The following HPSE2 variants were observed in gnomAD, a reference collection of about 807,000 sequenced individuals.
HPSE2 encodes the protein heparanase 2 (inactive), also known as inactive heparanase-2.
In HPSE2, 38 loss-of-function variants were observed where a neutral mutation model predicts 60.5. The observed-to-expected ratio is 0.63, with a 90% confidence interval of 0.48 to 0.82. HPSE2 has a LOEUF of 0.82. Among genes scored for constraint, HPSE2 ranks in the 40% least tolerant of loss-of-function variants. The pLI, the probability that HPSE2 is intolerant of heterozygous loss-of-function variation, is 0.00. For missense variants in HPSE2, 713 were observed against 740.4 expected, an observed-to-expected ratio of 0.96 and a Z score of 0.43; for synonymous variants, 295 against 293.2, an observed-to-expected ratio of 1.01 and a Z score of -0.06.
intron 9 of HPSE2, among the ~76,000 whole-genome samples, chr10:98,511,786 C>A (rs1201032723): frequency 6.6e-6 from 1 of 152,068 alleles, no homozygotes; most frequent in Admixed American, 6.6e-5. Context: ...GAAATAACTG[C>A]AAGGTTCAAA....
chr10:98,868,255 A>G (rs1052981337), intron 3 of HPSE2, among the ~76,000 whole-genome samples: 3 of 152,032 alleles, frequency 2.0e-5, no homozygotes, highest in Non-Finnish European at 4.4e-5. Context: ...AAAGACAAAC[A>G]TCGCATATTC....
chr10:99,282,436 C>CA, the HPSE2 span, among the ~76,000 whole-genome samples: 1 of 152,056 alleles, frequency 6.6e-6, no homozygotes. Context: ...TTAAAGATTT[C>CA]AATAACTCAC....
intron 3 of HPSE2, among the ~76,000 whole-genome samples, chr10:99,002,447 A>G (rs1372242895): frequency 6.6e-6 from 1 of 152,152 alleles, no homozygotes; most frequent in African/African-American, 2.4e-5. Flanking sequence ...ATAAAGGCCA[A>G]CATGAACAGT....
At chr10:98,990,465 G>A (rs2135339164) in intron 3 of HPSE2, among the ~76,000 whole-genome samples, 1 of 152,274 alleles carries the variant, frequency 6.6e-6, no homozygotes, top group South Asian at 2.1e-4. Context: ...CAAGTGATGG[G>A]GAGTGGCTGT....
At chr10:98,812,155 T>TAATGTCAG (rs1471411358) in intron 3 of HPSE2, among the ~76,000 whole-genome samples, 1 of 152,160 alleles carries the variant, frequency 6.6e-6, no homozygotes, top group Non-Finnish European at 1.5e-5. Context: ...AATGCTATAT[T>TAATGTCAG]AATGTCAGAC....
chr10:98,712,316 T>C (rs1251721035), intron 5 of HPSE2, among the ~76,000 whole-genome samples: 2 of 152,030 alleles, frequency 1.3e-5, no homozygotes, highest in Non-Finnish European at 2.9e-5. Flanking sequence ...AAAAAATTGT[T>C]ATATGTCTTT....
chr10:99,048,365 T>TC, intron 3 of HPSE2: 1 of 228,640 alleles, frequency 4.4e-6, no homozygotes, highest in Non-Finnish European at 8.5e-6. Context: ...GCTCTCAAAC[T>TC]GAAAAAAAAA....
intron 9 of HPSE2, among the ~76,000 whole-genome samples, chr10:98,530,787 A>C (rs1365795471): frequency 2.6e-5 from 4 of 151,998 alleles, no homozygotes; most frequent in South Asian, 2.1e-4. Context: ...GCAGCCCCGC[A>C]TTTTCATCCC....
chr10:98,887,212 A>C (rs1953190843), intron 3 of HPSE2, among the ~76,000 whole-genome samples: 2 of 152,150 alleles, frequency 1.3e-5, no homozygotes, highest in African/African-American at 2.4e-5. Flanking sequence ...TATCAACTTT[A>C]ATACTGACTA....
At chr10:98,544,088 C>G (rs555776749) in intron 9 of HPSE2, among the ~76,000 whole-genome samples, 1 of 151,792 alleles carries the variant, frequency 6.6e-6, no homozygotes, top group African/African-American at 2.4e-5. Flanking sequence ...AAGTAAAGCT[C>G]TCCTCAGCAA....
chr10:99,136,208 A>T (rs1845644547), intron 3 of HPSE2, among the ~76,000 whole-genome samples: 1 of 152,208 alleles, frequency 6.6e-6, no homozygotes, highest in South Asian at 2.1e-4. Flanking sequence ...GAATCTCTGA[A>T]AAAACCAATA....
At chr10:99,262,404 ACACCT>A in the HPSE2 span, among the ~76,000 whole-genome samples, 2 of 152,180 alleles carry the variant, frequency 1.3e-5, no homozygotes, top group Admixed American at 6.5e-5. Flanking sequence ...GACTACAGCC[ACACCT>A]CACTGCTGCC....
chr10:98,953,971 T>C (rs990097328), intron 3 of HPSE2, among the ~76,000 whole-genome samples: 3 of 152,162 alleles, frequency 2.0e-5, no homozygotes, highest in African/African-American at 7.2e-5. Context: ...CAATAAATAG[T>C]AGTTATTACT....
At chr10:99,016,053 T>G (rs1293103741) in intron 3 of HPSE2, among the ~76,000 whole-genome samples, 1 of 152,190 alleles carries the variant, frequency 6.6e-6, no homozygotes, top group Non-Finnish European at 1.5e-5. Context: ...CAGATCCCAT[T>G]TGTCAATTTT....
intron 3 of HPSE2, chr10:99,047,719 G>C: frequency 1.2e-6 from 1 of 849,330 alleles, no homozygotes; most frequent in Non-Finnish European, 2.0e-6. Context: ...ATTTCACAGA[G>C]CTGAAGATCA....
chr10:98,984,371 C>A (rs1215146512), intron 3 of HPSE2, among the ~76,000 whole-genome samples: 1 of 152,190 alleles, frequency 6.6e-6, no homozygotes, highest in Non-Finnish European at 1.5e-5. Context: ...TGCTGATACC[C>A]AGGCAAACAG....
At chr10:99,253,862 C>T in the HPSE2 span, among the ~76,000 whole-genome samples, 18 of 151,946 alleles carry the variant, frequency 1.2e-4, no homozygotes, top group East Asian at 1.2e-3. Context: ...AAGAGTGTTC[C>T]ACATAACTAA....
chr10:98,504,001 C>T (rs1942112355), intron 9 of HPSE2, among the ~76,000 whole-genome samples: 1 of 152,050 alleles, frequency 6.6e-6, no homozygotes, highest in Admixed American at 6.5e-5. Context: ...ACCCCAATAA[C>T]TTATGGGAAA....
At chr10:98,571,808 C>T (rs975535948) in intron 9 of HPSE2, among the ~76,000 whole-genome samples, 1 of 152,194 alleles carries the variant, frequency 6.6e-6, no homozygotes, top group East Asian at 1.9e-4. Flanking sequence ...TTCAGCCCAG[C>T]CTGATTCATT....
Sources: gnomAD v4.1 joint callset for allele counts (sites outside exome capture counted in the v4.1 genomes callset) on GRCh38, gnomAD v4.1.1 for gene constraint, MANE v1.5 for transcripts, NCBI Gene and HGNC (gene_info 2026-07-23, HGNC 2026-07-21) for gene names.